GLIS3: variants seen among roughly 807,000 people sequenced by gnomAD.
The protein encoded by GLIS3 is GLIS family zinc finger 3.
GLIS3 carries 53 observed loss-of-function variants against 78.6 expected under a neutral mutation model. That is an observed-to-expected ratio of 0.67 (90% CI 0.54 to 0.85). The LOEUF (loss-of-function observed/expected upper bound fraction) is 0.85, where lower values mean the gene tolerates loss of function less well. Among genes scored for constraint, GLIS3 ranks in the 40% least tolerant of loss-of-function variants. GLIS3 has a pLI of 0.00. For synonymous variants in GLIS3, 684 were observed against 509.9 expected (o/e 1.34, Z -4.60); for missense variants, 1,703 against 1,231.1 (o/e 1.38, Z -5.74).
intron 4 of GLIS3, among the ~76,000 whole-genome samples, chr9:3,956,938 T>C (rs1817156021): frequency 6.6e-6 from 1 of 152,202 alleles, no homozygotes; most frequent in Non-Finnish European, 1.5e-5. Flanking sequence ...CACAAGCTGA[T>C]TGAGCCCCCA....
the GLIS3 span, among the ~76,000 whole-genome samples, chr9:4,382,728 A>T: frequency 6.6e-6 from 1 of 152,158 alleles, no homozygotes; most frequent in Non-Finnish European, 1.5e-5. Context: ...CAGCATCTAT[A>T]TATATTTTAA....
Position 3,827,944 on chromosome 9 carries a change from A to C in GLIS3, c.*328T>G, listed in dbSNP as rs1817813202. ...AGAGTCATCCCCAAACTACATTTTC[A>C]TATGCACATCATTTCACTGGGGTCC... On this transcript the variant is annotated 3_prime_UTR_variant, in exon 11 of 11. Transcript: ENST00000381971. 1.1e-5 allele frequency: 4 copies of C among 370,780 alleles called. No individual in the cohort carries two copies. 23.0% of individuals were successfully genotyped at this position (370,780 alleles called of 1,614,324 possible). A position where few individuals can be genotyped will look rare whatever the true frequency, so the allele number is the denominator to read the frequency against.
chr9:4,029,766 T>C (rs1205722417), intron 4 of GLIS3, among the ~76,000 whole-genome samples: 2 of 152,190 alleles, frequency 1.3e-5, no homozygotes, highest in African/African-American at 2.4e-5. Flanking sequence ...TCCATCTATG[T>C]TGATGCAAAT....
chr9:3,869,072 T>C (rs1413161228), intron 8 of GLIS3, among the ~76,000 whole-genome samples: 2 of 152,204 alleles, frequency 1.3e-5, no homozygotes, highest in Non-Finnish European at 2.9e-5. Context: ...TCTGTTGGTC[T>C]TATTTACCAC....
chr9:4,125,658 T>G, intron 3 of GLIS3, 76 bp downstream of exon 3: 4 of 862,404 alleles, frequency 4.6e-6, no homozygotes, highest in Non-Finnish European at 7.6e-6. Context: ...GTGTGTGTAT[T>G]CAGAAAGAGA....
chr9:4,294,506 T>C (rs535608071), intron 1 of GLIS3, among the ~76,000 whole-genome samples: 1 of 147,316 alleles, frequency 6.8e-6, no homozygotes, highest in Non-Finnish European at 1.5e-5. Flanking sequence ...CGAAATTATG[T>C]CTCAAAAAAA....
chr9:4,310,532 A>C (rs928115683), intron 2 of GLIS3: 1 of 152,146 alleles, frequency 6.6e-6, no homozygotes, highest in African/African-American at 2.4e-5. Context: ...TGCAAACCTA[A>C]ACCCCAAATA....
At chr9:4,094,115 C>G (rs1011869463) in intron 4 of GLIS3, among the ~76,000 whole-genome samples, 1 of 152,060 alleles carries the variant, frequency 6.6e-6, no homozygotes, top group Non-Finnish European at 1.5e-5. Context: ...AAATCTCAAC[C>G]AAAAATACCT....
chr9:4,390,215 G>A, the GLIS3 span, among the ~76,000 whole-genome samples: 1 of 152,240 alleles, frequency 6.6e-6, no homozygotes, highest in African/African-American at 2.4e-5. Context: ...AGCAGCCGCA[G>A]CTGAAGTATG....
the GLIS3 span, among the ~76,000 whole-genome samples, chr9:4,401,151 C>A: frequency 6.6e-6 from 1 of 152,182 alleles, no homozygotes; most frequent in Non-Finnish European, 1.5e-5. Flanking sequence ...GACAGCATTT[C>A]TATATCTGTC....
At chr9:4,081,705 C>A (rs927690494) in intron 4 of GLIS3, among the ~76,000 whole-genome samples, 2 of 152,192 alleles carry the variant, frequency 1.3e-5, no homozygotes, top group African/African-American at 4.8e-5. Context: ...ACTATAAACT[C>A]CTCACTGCCA....
chr9:3,862,324 A>C (rs752602777), intron 8 of GLIS3, among the ~76,000 whole-genome samples: 4 of 152,334 alleles, frequency 2.6e-5, no homozygotes, highest in Non-Finnish European at 5.9e-5. Flanking sequence ...AGAGCGTGTC[A>C]GCAACATACT....
At chr9:4,200,031 A>C (rs1382600390) in intron 2 of GLIS3, among the ~76,000 whole-genome samples, 2 of 152,204 alleles carry the variant, frequency 1.3e-5, no homozygotes, top group Admixed American at 1.3e-4. Flanking sequence ...AATTACATGG[A>C]AATTAACTTA....
At position 4,329,108 on chromosome 9, in the gene GLIS3, C is replaced by T. The variant is rs12344824; in HGVS notation, n.264+17973G>A. On this transcript the variant is annotated intron_variant and non_coding_transcript_variant, in intron 2 of 4. Transcript: ENST00000471664. ...AATAGCCTAGACCTTTTTCAATCCA[C>T]CAATATACTGCCGACTTGGGCAGCT... is the stretch of plus-strand genomic sequence containing the variant. Among the ~76,000 whole-genome samples the T allele has an allele frequency of 5.8e-3, 887 of 152,266 alleles. 7 individuals carry two copies. The highest frequency in any genetic ancestry group is 0.021 in the African/African-American group (852 of 41,540).
At chr9:4,075,547 G>C (rs888801260) in intron 4 of GLIS3, among the ~76,000 whole-genome samples, 19 of 152,160 alleles carry the variant, frequency 1.2e-4, no homozygotes, top group African/African-American at 4.3e-4. Context: ...CTGCACTCCA[G>C]ACTGGATGAC....
intron 2 of GLIS3, chr9:4,147,341 C>G (rs1834303929): frequency 6.6e-6 from 1 of 152,172 alleles, no homozygotes; most frequent in Non-Finnish European, 1.5e-5. Context: ...GCAAAAGCAT[C>G]TCATGCTTAA....
At chr9:4,479,511 G>A in the GLIS3 span, among the ~76,000 whole-genome samples, 1 of 152,144 alleles carries the variant, frequency 6.6e-6, no homozygotes, top group Non-Finnish European at 1.5e-5. Context: ...AAATATGCAA[G>A]TCTGTACATT....
intron 2 of GLIS3, among the ~76,000 whole-genome samples, chr9:4,188,313 T>C (rs898108775): frequency 7.4e-5 from 11 of 149,588 alleles, no homozygotes; most frequent in Non-Finnish European, 1.6e-4. Context: ...GATTTGTGTA[T>C]ATTGAACCAG....
At chr9:3,963,723 T>G (rs928124979) in intron 4 of GLIS3, among the ~76,000 whole-genome samples, 1 of 152,114 alleles carries the variant, frequency 6.6e-6, no homozygotes, top group Admixed American at 6.5e-5. Context: ...CAGATTGGGT[T>G]CATTGCCAAT....
Sources: gnomAD v4.1 joint callset for allele counts (sites outside exome capture counted in the v4.1 genomes callset) on GRCh38, gnomAD v4.1.1 for gene constraint, MANE v1.5 for transcripts, NCBI Gene and HGNC (gene_info 2026-07-23, HGNC 2026-07-21) for gene names.